UBXN7: variants seen among roughly 807,000 people sequenced by gnomAD.
The protein encoded by UBXN7 is UBX domain protein 7, also known as UBX domain-containing protein 7.
UBXN7 carries 9 observed loss-of-function variants against 58.0 expected under a neutral mutation model. The ratio of observed to expected loss-of-function variants is 0.16; its 90% CI spans 0.09 to 0.27. UBXN7 has a LOEUF of 0.27. Among genes scored for constraint, UBXN7 ranks in the 10% least tolerant of loss-of-function variants. UBXN7 has a pLI of 1.00. For missense variants in UBXN7, 328 were observed against 599.6 expected (o/e 0.55, Z 4.73); for synonymous variants, 208 against 205.0 (o/e 1.01, Z -0.12).
intron 3 of UBXN7, among the ~76,000 whole-genome samples, chr3:196,396,285 G>T (rs1729767860): frequency 6.7e-6 from 1 of 150,094 alleles, no homozygotes; most frequent in East Asian, 1.9e-4. Context: ...TCTGGCCCTG[G>T]TGCAGTGATG....
chr3:196,389,624 C>T (rs982119118), intron 5 of UBXN7, among the ~76,000 whole-genome samples: 10 of 152,224 alleles, frequency 6.6e-5, no homozygotes, highest in African/African-American at 2.4e-4. Context: ...TGTGCTACAC[C>T]GGCTTCCCCT....
chr3:196,361,836 G>A lies in UBXN7; in HGVS notation c.1308+8C>T. On this transcript the variant is annotated splice_region_variant and intron_variant, in intron 10 of 10. Coordinates refer to ENST00000296328, the MANE Select transcript of UBXN7 (RefSeq NM_015562.2). ...GTCGGAACTGAACCAAAGCAAGCCT[G>A]TACTTACTAGCAGTTTAGCTTGCTC... The A allele has an allele frequency of 6.2e-7, 1 of 1,612,230 alleles. No individual in the cohort carries two copies. The highest frequency in any genetic ancestry group is 8.5e-7 in the Non-Finnish European group (1 of 1,179,224).
chr3:196,364,978 C>A (rs1194157009), intron 8 of UBXN7, among the ~76,000 whole-genome samples: 1 of 152,070 alleles, frequency 6.6e-6, no homozygotes, highest in Non-Finnish European at 1.5e-5. Flanking sequence ...AATGACATTG[C>A]ACATATAGCA....
chr3:196,390,728 AG>A (rs1386722374), intron 5 of UBXN7, among the ~76,000 whole-genome samples: 1 of 150,356 alleles, frequency 6.7e-6, no homozygotes. Context: ...CTCCATCTCA[AG>A]GAAAAAAAAA....
chr3:196,428,774 C>T (rs964221157), intron 1 of UBXN7, among the ~76,000 whole-genome samples: 9 of 149,430 alleles, frequency 6.0e-5, no homozygotes, highest in African/African-American at 2.0e-4. Flanking sequence ...GAGCCGTGAT[C>T]ACACCACTGC....
chr3:196,373,332 A>G (rs1340121428), intron 5 of UBXN7, among the ~76,000 whole-genome samples: 1 of 152,226 alleles, frequency 6.6e-6, no homozygotes, highest in Non-Finnish European at 1.5e-5. Context: ...AGATATCGAT[A>G]CATCAATCGT....
intron 1 of UBXN7, among the ~76,000 whole-genome samples, chr3:196,411,237 A>G (rs1299614442): frequency 6.6e-6 from 1 of 152,236 alleles, no homozygotes; most frequent in Non-Finnish European, 1.5e-5. Context: ...AGCACCTGGC[A>G]TCACACTTTG....
chr3:196,401,764 ATT>A (rs201092578), intron 3 of UBXN7, among the ~76,000 whole-genome samples: 1 of 127,754 alleles, frequency 7.8e-6, no homozygotes. Flanking sequence ...CTCCATCTCT[ATT>A]TTAAAAAAAA....
rs1451711290 is a variant in UBXN7, at chr3:196,348,427, C to A, written c.*8258G>T. 2.6e-5 allele frequency: 4 copies of A among 152,160 alleles called. No homozygotes were observed. Among genetic ancestry groups the A allele is most frequent in the African/African-American group, 9.7e-5 (4 of 41,438 alleles). The allele number at this position is 152,160 out of a possible 1,614,324, so 9.4% of individuals were successfully genotyped here. A position where few individuals can be genotyped will look rare whatever the true frequency, so the allele number is the denominator to read the frequency against. On this transcript the variant is annotated 3_prime_UTR_variant, in exon 11 of 11. Coordinates refer to ENST00000296328, the MANE Select transcript of UBXN7 (RefSeq NM_015562.2). ...AGAAACATTACAACAGGAGCACTGT[C>A]TCTGTTATCTTCTTGGATTCAATCA...
intron 1 of UBXN7, among the ~76,000 whole-genome samples, chr3:196,427,319 C>A (rs1730880327): frequency 6.6e-6 from 1 of 152,104 alleles, no homozygotes; most frequent in Non-Finnish European, 1.5e-5. Context: ...GCTTCAGCAG[C>A]ACATATACTA....
At position 196,407,390 on chromosome 3, in the gene UBXN7, G is replaced by C. The variant is rs763582166; in HGVS notation, c.77C>G (p.Ala26Gly). ...LIQQFTTITG[A>G]SESVGKHMLE... is the part of the protein sequence containing the mutation. ...CATATGTTTTCCTACACTTTCACTTGCACCTGAAACAGTAAAAAGACAGGA... is the reference window on the plus strand; with the variant it reads ...CATATGTTTTCCTACACTTTCACTTCCACCTGAAACAGTAAAAAGACAGGA... The change falls in exon 2 of 11, where the codon GCA becomes GGA. Residue 26 changes from alanine (A) to glycine (G), a missense_variant. Transcript: ENST00000296328. 1.9e-6 allele frequency: 3 copies of C among 1,594,680 alleles called. No homozygotes were observed. In the Admixed American group the frequency reaches 5.2e-5, roughly 27 times the overall value.
Position 196,362,508 on chromosome 3 carries a change from T to G in UBXN7, c.1014A>C (p.Glu338Asp). ...EFISVCGSDE[E>D]EEVENLAKSR... Reference sequence around the variant, plus strand: ...ACTTGGCAAGATTCTCTACCTCTTCTTCTTCATCAGAGCCACAAACGGATA... The same window carrying G: ...ACTTGGCAAGATTCTCTACCTCTTCGTCTTCATCAGAGCCACAAACGGATA... The change falls in exon 9 of 11, where the codon GAA becomes GAC. Residue 338 changes from glutamate to aspartate, a missense_variant. By Grantham distance (45) the Glu-to-Asp change is conservative. This residue lies in a region of UBXN7 where 126 missense variants were observed against 302.6 expected (regional missense o/e 0.42). Coordinates refer to ENST00000296328, the MANE Select transcript of UBXN7 (RefSeq NM_015562.2). 1 of 1,614,224 alleles carries G rather than the reference T, an allele frequency of 6.2e-7. No individual in the cohort carries two copies.
At chr3:196,372,328 T>TC (rs1173128048) in intron 5 of UBXN7, among the ~76,000 whole-genome samples, 51 of 103,950 alleles carry the variant, frequency 4.9e-4, no homozygotes, top group African/African-American at 1.5e-3. Context: ...CTCTCTCTCC[T>TC]TTCTTTCTTT....
At chr3:196,431,804 G>C (rs775655753) in intron 1 of UBXN7, 1 of 426,488 alleles carries the variant, frequency 2.3e-6, no homozygotes, top group South Asian at 1.6e-5. Flanking sequence ...GTGAAGGCGG[G>C]AGGGCCCGAA....
At chr3:196,422,796 C>T (rs11185538) in intron 1 of UBXN7, among the ~76,000 whole-genome samples, 18,590 of 152,198 alleles carry the variant, frequency 0.12, 1,380 homozygotes, top group South Asian at 0.2. Context: ...GATATTCACA[C>T]ACTTGTACAC....
intron 2 of UBXN7, 132 bp from the exon 3 acceptor site, chr3:196,403,151 T>C (rs1305274535): frequency 2.1e-6 from 2 of 950,612 alleles, no homozygotes; most frequent in Admixed American, 6.5e-5. Context: ...AGTTTTTGTG[T>C]TGCTATTTTT....
chr3:196,423,700 T>C (rs1293254974), intron 1 of UBXN7, among the ~76,000 whole-genome samples: 1 of 152,068 alleles, frequency 6.6e-6, no homozygotes, highest in African/African-American at 2.4e-5. Flanking sequence ...ACTTATCCAC[T>C]TGACAAGGTG....
intron 8 of UBXN7, among the ~76,000 whole-genome samples, chr3:196,363,279 T>A (rs949067341): frequency 1.3e-5 from 2 of 152,016 alleles, no homozygotes; most frequent in African/African-American, 4.8e-5. Flanking sequence ...TTTTTTTTTC[T>A]TTCTTTTTTT....
At chr3:196,428,375 G>A (rs1034686487) in intron 1 of UBXN7, among the ~76,000 whole-genome samples, 44 of 150,656 alleles carry the variant, frequency 2.9e-4, no homozygotes, top group African/African-American at 1.1e-3. Flanking sequence ...AATCACTTGA[G>A]CCCAGGCGGT....
Sources: gnomAD v4.1 joint callset for allele counts (sites outside exome capture counted in the v4.1 genomes callset) on GRCh38, gnomAD v4.1.1 for gene constraint, gnomAD v4.1.1 regional missense constraint, MANE v1.5 for transcripts, NCBI Gene and HGNC (gene_info 2026-07-23, HGNC 2026-07-21) for gene names.